HTT: variants seen among roughly 807,000 people sequenced by gnomAD.
HTT encodes the protein huntingtin, also known as huntington disease protein.
HTT carries 104 observed loss-of-function variants against 362.3 expected under a neutral mutation model. That is an observed-to-expected ratio of 0.29 (90% CI 0.24 to 0.34). HTT has a LOEUF of 0.34. Ranked by LOEUF, HTT falls within the 10% of genes least tolerant of loss-of-function variation. HTT has a pLI of 1.00. For synonymous variants in HTT, 1,577 were observed against 1,548.7 expected, an observed-to-expected ratio of 1.02 and a Z score of -0.43; for missense variants, 3,301 against 3,928.6, an observed-to-expected ratio of 0.84 and a Z score of 4.27.
chr4:3,093,555 A>G lies in HTT; in HGVS notation c.348-5719A>G, dbSNP rs75000150. Among the ~76,000 whole-genome samples the G allele has an allele frequency of 0.012, 1,790 of 152,296 alleles. 189 individuals are homozygous for G. The East Asian group carries it at 0.28, about 24-fold the overall frequency. On this transcript the variant is annotated intron_variant, in intron 2 of 66. Coordinates refer to ENST00000355072, the MANE Select transcript of HTT (RefSeq NM_001388492.1). ...CTAATCCCTGGAGCCTGTAAATATT[A>G]CTTTATATGGAAAATTGTTTTATGA...
chr4:3,239,471 A>T (rs749132441), intron 66 of HTT, among the ~76,000 whole-genome samples: 1 of 152,226 alleles, frequency 6.6e-6, no homozygotes, highest in Non-Finnish European at 1.5e-5. Context: ...GCCTCCAAGC[A>T]GCACAGTTGT....
chr4:3,146,142 A>T (rs1164959125), intron 24 of HTT, among the ~76,000 whole-genome samples: 1 of 152,174 alleles, frequency 6.6e-6, no homozygotes, highest in African/African-American at 2.4e-5. Flanking sequence ...TATGAGTTCT[A>T]TTCTCCATAT....
rs192211832 is a variant in HTT at position 3,212,216 on chromosome 4, T to C, written c.6628+74T>C. On this transcript the variant is annotated intron_variant, in intron 48 of 66. Coordinates refer to ENST00000355072, the MANE Select transcript of HTT (RefSeq NM_001388492.1). Reference sequence around the variant, plus strand: ...AGTATAGTACTTTGCACCAAGTAAATGTACAATAAAGGCAGTGGATCTAAT... The same window carrying C: ...AGTATAGTACTTTGCACCAAGTAAACGTACAATAAAGGCAGTGGATCTAAT... 31 of 1,164,888 alleles carry C rather than the reference T, an allele frequency of 2.7e-5. No homozygotes were observed. In the East Asian group the frequency reaches 6.7e-4, roughly 25 times the overall value. 72.2% of individuals were successfully genotyped at this position (1,164,888 alleles called of 1,614,324 possible).
Position 3,099,301 on chromosome 4 carries a change from G to A in HTT, c.375G>A (p.Leu125=). 6.2e-7 allele frequency: 1 copy of A among 1,613,768 alleles called. No homozygotes were observed. The change falls in exon 3 of 67, where the codon CTG becomes CTA. Residue 125 remains leucine, a synonymous_variant. Coordinates refer to ENST00000355072, the MANE Select transcript of HTT (RefSeq NM_001388492.1). The part of the protein sequence containing the change: ...VRNSPEFQKL[L]GIAMELFLLC... ...ATTCTCCAGAATTTCAGAAACTTCTGGGCATCGCTATGGAACTTTTTCTGC... is the reference window on the plus strand; with the variant it reads ...ATTCTCCAGAATTTCAGAAACTTCTAGGCATCGCTATGGAACTTTTTCTGC...
At chr4:3,212,782 A>G in intron 49 of HTT, 73 bp downstream of exon 49, 1 of 1,515,646 alleles carries the variant, frequency 6.6e-7, no homozygotes, top group African/African-American at 1.4e-5. Flanking sequence ...AGGGTAAAGC[A>G]GTTTTATTTG....
intron 1 of HTT, among the ~76,000 whole-genome samples, chr4:3,083,566 C>T (rs112418837): frequency 0.14 from 19,902 of 146,966 alleles, 2,449 homozygotes; most frequent in African/African-American, 0.32. Context: ...CACACACACA[C>T]ACACACACAC....
In HTT at chr4:3,074,930, G is replaced by GCAGCAGCAGCAGCAGCAGCAA. The variant is rs774733492; in HGVS notation, c.110_111insGCAGCAGCAGCAGCAACAGCA (p.Gln32_Gln38dup). ...AGCAGCAGCAGCAGCAGCAGCAGCA[G>GCAGCAGCAGCAGCAGCAGCAA]CAGCAACAGCCGCCACCGCCGCCGC... On this transcript the variant is annotated inframe_insertion, in exon 1 of 67. Coordinates refer to ENST00000355072, the MANE Select transcript of HTT (RefSeq NM_001388492.1). 8.2e-5 allele frequency: 107 copies of GCAGCAGCAGCAGCAGCAGCAA among 1,302,664 alleles called. No homozygotes were observed. Among genetic ancestry groups the GCAGCAGCAGCAGCAGCAGCAA allele is most frequent in the Middle Eastern group, 2.8e-4 (1 of 3,552 alleles). 80.7% of individuals were successfully genotyped at this position (1,302,664 alleles called of 1,614,324 possible).
At position 3,074,791 on chromosome 4, in the gene HTT, C is replaced by T. The variant is rs1229057625; in HGVS notation, c.-35C>T. Reference sequence around the variant, plus strand: ...AGCGGCGCCGCGAGTCGGCCCGAGGCCTCCGGGGACTGCCGTGCCGGGCGG... The same window carrying T: ...AGCGGCGCCGCGAGTCGGCCCGAGGTCTCCGGGGACTGCCGTGCCGGGCGG... On this transcript the variant is annotated 5_prime_UTR_variant, in exon 1 of 67. Transcript: ENST00000355072. The T allele has an allele frequency of 6.6e-6, 10 of 1,508,204 alleles. No individual in the cohort carries two copies. In the African/African-American group the frequency reaches 1.3e-4, roughly 19 times the overall value. 93.4% of individuals were successfully genotyped at this position (1,508,204 alleles called of 1,614,324 possible).
intron 12 of HTT, 26 bp downstream of exon 12, chr4:3,127,630 CT>C (rs751824861): frequency 3.4e-4 from 514 of 1,498,812 alleles, no homozygotes; most frequent in Non-Finnish European, 4.0e-4. Flanking sequence ...GGCCTGACAT[CT>C]TTTTTTTTAT....
chr4:3,216,764 G>A (rs535379317), intron 51 of HTT, among the ~76,000 whole-genome samples: 110 of 152,256 alleles, frequency 7.2e-4, no homozygotes, highest in Admixed American at 1.7e-3. Context: ...GGTGGCTCAC[G>A]CCTGTAATCC....
rs574799034 is a variant in HTT, at chr4:3,225,834, T to C, written c.7848+91T>C. 121 of 820,244 alleles carry C rather than the reference T, an allele frequency of 1.5e-4. No homozygotes were observed. In the East Asian group the frequency reaches 3.2e-3, roughly 22 times the overall value. 50.8% of individuals were successfully genotyped at this position (820,244 alleles called of 1,614,324 possible). A position where few individuals can be genotyped will look rare whatever the true frequency, so the allele number is the denominator to read the frequency against. ...CACCCAGGAGAAAAGCTCAGTGCAC[T>C]TTTTAAATGAAAGGAAGTTTTCCTT... is the stretch of plus-strand genomic sequence containing the variant. On this transcript the variant is annotated intron_variant, in intron 57 of 66. Transcript: ENST00000355072.
In HTT at chr4:3,228,250, G is replaced by A. The variant is rs1721015804; in HGVS notation, c.7849-365G>A. Reference sequence around the variant, plus strand: ...GTTTACCGCAATGACTGCCAGTGCGGGAGACTGGAAAAGGAATCTCACGTA... The same window carrying A: ...GTTTACCGCAATGACTGCCAGTGCGAGAGACTGGAAAAGGAATCTCACGTA... On this transcript the variant is annotated intron_variant, in intron 57 of 66. Coordinates refer to ENST00000355072, the MANE Select transcript of HTT (RefSeq NM_001388492.1). The surrounding 1 kb of genome is among the most constrained non-coding windows in gnomAD (Gnocchi z 4.3). Among the ~76,000 whole-genome samples the A allele has an allele frequency of 6.6e-6, 1 of 152,236 alleles. No homozygotes were observed. The highest frequency in any genetic ancestry group is 2.4e-5 in the African/African-American group (1 of 41,462).
chr4:3,229,414 A>G (rs1721112684), intron 59 of HTT, among the ~76,000 whole-genome samples: 1 of 137,116 alleles, frequency 7.3e-6, no homozygotes, highest in African/African-American at 3.0e-5. Flanking sequence ...TGTATGTGCC[A>G]CACACAGCAC....
Position 3,160,315 on chromosome 4 carries a change from T to C in HTT, c.3787T>C (p.Phe1263Leu). 2 of 1,553,196 alleles carry C rather than the reference T, an allele frequency of 1.3e-6. No homozygotes were observed. The highest frequency in any genetic ancestry group is 1.7e-6 in the Non-Finnish European group (2 of 1,147,448). The change falls in exon 29 of 67, where the codon TTT becomes CTT. Residue 1263 changes from phenylalanine (F) to leucine (L), a missense_variant. Transcript: ENST00000355072. Reference sequence around the variant, plus strand: ...GGATCTTCAGAACAGCACGGAAAAGTTTGGAGGGTTTCTCCGCTCAGCCTT... The same window carrying C: ...GGATCTTCAGAACAGCACGGAAAAGCTTGGAGGGTTTCTCCGCTCAGCCTT... ...TLDLQNSTEKFGGFLRSALDV... is the reference protein window; with the variant it reads ...TLDLQNSTEKLGGFLRSALDV...
intron 45 of HTT, among the ~76,000 whole-genome samples, chr4:3,207,984 AG>A (rs1261220187): frequency 6.6e-6 from 1 of 152,190 alleles, no homozygotes; most frequent in African/African-American, 2.4e-5. Context: ...GAGACAGCAG[AG>A]AAGGAGAATA....
intron 9 of HTT, 69 bp from the exon 10 acceptor site, chr4:3,122,820 G>C: frequency 7.6e-7 from 1 of 1,309,882 alleles, no homozygotes; most frequent in East Asian, 2.3e-5. Context: ...CAAGCTGTTT[G>C]AAGATTTTCA....
intron 28 of HTT, among the ~76,000 whole-genome samples, chr4:3,158,153 T>C (rs543015514): frequency 2.3e-4 from 35 of 152,248 alleles, no homozygotes; most frequent in African/African-American, 8.2e-4. Context: ...CCAGCTAATT[T>C]TTACATTTTT....
chr4:3,117,551 A>T (rs1473938711), intron 8 of HTT, among the ~76,000 whole-genome samples: 1 of 152,178 alleles, frequency 6.6e-6, no homozygotes, highest in Non-Finnish European at 1.5e-5. Context: ...TATTTTTAAA[A>T]TGATGGTCAG....
intron 2 of HTT, among the ~76,000 whole-genome samples, chr4:3,093,885 T>A (rs1048660646): frequency 2.8e-5 from 4 of 140,732 alleles, no homozygotes; most frequent in African/African-American, 1.0e-4. Context: ...TTTTAAGATA[T>A]CATTTACCCC....
Sources: gnomAD v4.1 joint callset for allele counts (sites outside exome capture counted in the v4.1 genomes callset) on GRCh38, gnomAD v4.1.1 for gene constraint, Gnocchi (gnomAD v3.1) non-coding constraint, MANE v1.5 for transcripts, NCBI Gene and HGNC (gene_info 2026-07-23, HGNC 2026-07-21) for gene names.